Variants in GOLGB1 observed in about 807,000 individuals in gnomAD.
The protein encoded by GOLGB1 is golgin subfamily B member 1.
In GOLGB1, 174 loss-of-function variants were observed where a neutral mutation model predicts 336.9. That is an observed-to-expected ratio of 0.52 (90% CI 0.46 to 0.59). The LOEUF (loss-of-function observed/expected upper bound fraction) is 0.59, where lower values mean the gene tolerates loss of function less well. GOLGB1 is among the 20% of genes least tolerant of loss of function. GOLGB1 has a pLI of 0.00. For missense variants in GOLGB1, 3,331 were observed against 3,645.3 expected, an observed-to-expected ratio of 0.91 and a Z score of 2.22; for synonymous variants, 1,208 against 1,289.2, an observed-to-expected ratio of 0.94 and a Z score of 1.35.
At chr3:121,732,632 T>C (rs1428005885) in intron 1 of GOLGB1, among the ~76,000 whole-genome samples, 1 of 152,166 alleles carries the variant, frequency 6.6e-6, no homozygotes, top group East Asian at 1.9e-4. Context: ...TGTCAATAGA[T>C]TGAGAAAAAG....
chr3:121,745,768 A>C (rs976871740), intron 1 of GOLGB1, among the ~76,000 whole-genome samples: 2 of 152,212 alleles, frequency 1.3e-5, no homozygotes, highest in Non-Finnish European at 2.9e-5. Context: ...CACTAAGGCA[A>C]ATAAAACAAT....
chr3:121,672,102 T>C (rs1939623901), intron 17 of GOLGB1, among the ~76,000 whole-genome samples: 1 of 152,240 alleles, frequency 6.6e-6, no homozygotes. Flanking sequence ...CCAATAAACA[T>C]GGGAGTACAG....
At chr3:121,737,293 T>C (rs1323864996) in intron 1 of GOLGB1, among the ~76,000 whole-genome samples, 1 of 152,214 alleles carries the variant, frequency 6.6e-6, no homozygotes, top group African/African-American at 2.4e-5. Flanking sequence ...GGACTATGCA[T>C]AGCATTAGTT....
intron 14 of GOLGB1, among the ~76,000 whole-genome samples, chr3:121,683,259 C>A (rs979042321): frequency 6.6e-6 from 1 of 151,802 alleles, no homozygotes; most frequent in African/African-American, 2.4e-5. Context: ...GTTACCCCAA[C>A]AGACAACTAA....
chr3:121,691,707 C>A lies in GOLGB1; in HGVS notation c.7657G>T (p.Asp2553Tyr). Reference sequence around the variant, plus strand: ...TCAAGAAGCTGCTTTTGTTGGCTGTCCTTTATTGTTATCACTTGGTTCAGG... The same window carrying A: ...TCAAGAAGCTGCTTTTGTTGGCTGTACTTTATTGTTATCACTTGGTTCAGG... The part of the protein sequence containing the change: ...EDLNQVITIK[D>Y]SQQKQLLEVQ... The change falls in exon 14 of 22, where the codon GAC becomes TAC. Residue 2553 changes from aspartate to tyrosine, a missense_variant. Coordinates refer to ENST00000614479, the MANE Select transcript of GOLGB1 (RefSeq NM_001366282.2). 1 of 1,612,620 alleles carries A rather than the reference C, an allele frequency of 6.2e-7. No homozygotes were observed. Among genetic ancestry groups the A allele is most frequent in the East Asian group, 2.2e-5 (1 of 44,872 alleles).
chr3:121,689,477 C>A (rs1383378567), intron 14 of GOLGB1, among the ~76,000 whole-genome samples: 19 of 151,576 alleles, frequency 1.3e-4, no homozygotes, highest in Non-Finnish European at 2.2e-4. Flanking sequence ...GTCATCACCA[C>A]TCCCTAATCT....
chr3:121,716,711 G>C (rs375272278), intron 9 of GOLGB1, 26 bp downstream of exon 9: 2 of 1,561,446 alleles, frequency 1.3e-6, no homozygotes, highest in African/African-American at 1.4e-5. Flanking sequence ...TAGAGATGTG[G>C]ACTTCAAAAG....
intron 1 of GOLGB1, among the ~76,000 whole-genome samples, chr3:121,747,274 T>C (rs1489651244): frequency 1.5e-5 from 2 of 135,618 alleles, no homozygotes; most frequent in East Asian, 2.0e-4. Context: ...TATATGTATA[T>C]ATGTATATAT....
chr3:121,739,583 A>C (rs1946713178), intron 1 of GOLGB1, among the ~76,000 whole-genome samples: 1 of 152,146 alleles, frequency 6.6e-6, no homozygotes, highest in African/African-American at 2.4e-5. Context: ...CAAGAAAATG[A>C]GTAAATATAA....
At chr3:121,684,305 A>C (rs1345437775) in intron 14 of GOLGB1, among the ~76,000 whole-genome samples, 2 of 151,198 alleles carry the variant, frequency 1.3e-5, no homozygotes, top group African/African-American at 4.8e-5. Flanking sequence ...AGTTAAGAAA[A>C]TTAGAGAAGC....
At position 121,694,717 on chromosome 3, in the gene GOLGB1, C is replaced by T; in HGVS notation, c.5806G>A (p.Ala1936Thr). The T allele has an allele frequency of 6.2e-7, 1 of 1,612,140 alleles. No individual in the cohort carries two copies. The change falls in exon 13 of 22, where the codon GCA (alanine) becomes ACA (threonine). Residue 1936 changes from alanine (A) to threonine (T), a missense_variant. Physicochemically the swap from Ala to Thr is moderately conservative, Grantham distance 58 (BLOSUM62 0). Coordinates refer to ENST00000614479, the MANE Select transcript of GOLGB1 (RefSeq NM_001366282.2). Reference protein sequence around the residue: ...DLEERLMNQLAELNGSIGNYC... With the variant: ...DLEERLMNQLTELNGSIGNYC... ...TTCCCAATGCTTCCATTAAGTTCTG[C>T]TAATTGATTCATAAGCCTCTCTTCC...
Position 121,690,696 on chromosome 3 carries a change from A to C in GOLGB1, c.8668T>G (p.Ser2890Ala). The change falls in exon 14 of 22, where the codon TCA (serine) becomes GCA (alanine). Residue 2890 changes from serine (S) to alanine (A), a missense_variant. Physicochemically the swap from Ser to Ala is moderately conservative, Grantham distance 99 (BLOSUM62 1). Coordinates refer to ENST00000614479, the MANE Select transcript of GOLGB1 (RefSeq NM_001366282.2). The part of the protein sequence containing the change: ...EVQSLKKAMS[S>A]LQNDRDRLLK... ...AGTCTGTCTCTGTCATTTTGGAGTGAAGACATAGCTTTTTTTAAACTCTGT... is the reference window on the plus strand; with the variant it reads ...AGTCTGTCTCTGTCATTTTGGAGTGCAGACATAGCTTTTTTTAAACTCTGT... 1 of 1,515,636 alleles carries C rather than the reference A, an allele frequency of 6.6e-7. No individual in the cohort carries two copies. The highest frequency in any genetic ancestry group is 8.8e-7 in the Non-Finnish European group (1 of 1,134,598). 93.9% of individuals were successfully genotyped at this position (1,515,636 alleles called of 1,614,324 possible). A position where few individuals can be genotyped will look rare whatever the true frequency, so the allele number is the denominator to read the frequency against.
chr3:121,664,795 C>T (rs1035891088), intron 21 of GOLGB1, 131 bp downstream of exon 21: 14 of 775,344 alleles, frequency 1.8e-5, no homozygotes, highest in Middle Eastern at 2.4e-4. Context: ...TCTTCCACGC[C>T]CTTCCAGCCT....
chr3:121,677,934 C>T (rs1057459895), intron 15 of GOLGB1, among the ~76,000 whole-genome samples: 4 of 152,186 alleles, frequency 2.6e-5, no homozygotes, highest in African/African-American at 7.2e-5. Context: ...ACCTAAACTT[C>T]TGATGATAAA....
At chr3:121,688,783 C>T (rs1438369034) in intron 14 of GOLGB1, among the ~76,000 whole-genome samples, 3 of 151,422 alleles carry the variant, frequency 2.0e-5, no homozygotes, top group Admixed American at 1.3e-4. Flanking sequence ...ATGTGGAGAG[C>T]GCCTCTGCTC....
At chr3:121,681,639 A>T (rs1243660540) in intron 15 of GOLGB1, 48 bp downstream of exon 15, 1 of 1,298,756 alleles carries the variant, frequency 7.7e-7, no homozygotes, top group Non-Finnish European at 1.1e-6. Flanking sequence ...ATTTCAAAAT[A>T]AAAAGTTAAA....
chr3:121,690,399 T>G (rs1942297579), intron 14 of GOLGB1, among the ~76,000 whole-genome samples: 1 of 152,200 alleles, frequency 6.6e-6, no homozygotes, highest in African/African-American at 2.4e-5. Context: ...TATAAAACAG[T>G]TCTCCACCTC....
chr3:121,745,317 TAC>T (rs1303946780), intron 1 of GOLGB1, among the ~76,000 whole-genome samples: 1 of 148,684 alleles, frequency 6.7e-6, no homozygotes, highest in East Asian at 2.0e-4. Flanking sequence ...TATACATATG[TAC>T]ACGTGTATGT....
chr3:121,735,960 G>A (rs1184306311), intron 1 of GOLGB1, among the ~76,000 whole-genome samples: 7 of 151,344 alleles, frequency 4.6e-5, no homozygotes, highest in Admixed American at 4.6e-4. Context: ...GTTCAAAAAA[G>A]AAAAAGAAAA....
Sources: gnomAD v4.1 joint callset for allele counts (sites outside exome capture counted in the v4.1 genomes callset) on GRCh38, gnomAD v4.1.1 for gene constraint, MANE v1.5 for transcripts, NCBI Gene and HGNC (gene_info 2026-07-23, HGNC 2026-07-21) for gene names.